Variants in DIP2B observed in about 807,000 individuals in gnomAD.
DIP2B encodes disco-interacting protein 2 homolog B.
Under a neutral mutation model 198.0 loss-of-function variants are expected in DIP2B, and 76 were observed. The ratio of observed to expected loss-of-function variants is 0.38; its 90% confidence interval spans 0.32 to 0.46. DIP2B has a LOEUF of 0.46. Among genes scored for constraint, DIP2B ranks in the 20% least tolerant of loss-of-function variants. DIP2B has a pLI of 0.99. For missense variants in DIP2B, 1,559 were observed against 1,978.4 expected (o/e 0.79, Z 4.02); for synonymous variants, 701 against 739.1 (o/e 0.95, Z 0.84).
At chr12:50,715,369 C>T (rs1449409718) in intron 23 of DIP2B, among the ~76,000 whole-genome samples, 6 of 152,168 alleles carry the variant, frequency 3.9e-5, no homozygotes, top group Non-Finnish European at 7.3e-5. Flanking sequence ...AGGTTGGGTT[C>T]AGAGCTGTTC....
At chr12:50,684,401 A>G (rs1939098938) in intron 10 of DIP2B, among the ~76,000 whole-genome samples, 1 of 152,214 alleles carries the variant, frequency 6.6e-6, no homozygotes, top group African/African-American at 2.4e-5. Context: ...TGTTTGACTG[A>G]GTGATTTCTC....
chr12:50,639,037 C>T (rs1333630524), intron 2 of DIP2B, among the ~76,000 whole-genome samples: 2 of 151,714 alleles, frequency 1.3e-5, no homozygotes, highest in Admixed American at 6.6e-5. Flanking sequence ...TGCCCCCATT[C>T]GTGATAAATC....
intron 1 of DIP2B, among the ~76,000 whole-genome samples, chr12:50,508,638 C>T (rs1383535417): frequency 6.6e-6 from 1 of 151,944 alleles, no homozygotes; most frequent in Non-Finnish European, 1.5e-5. Context: ...GTGACGATGA[C>T]ATTGGAATGA....
intron 1 of DIP2B, among the ~76,000 whole-genome samples, chr12:50,546,361 A>T (rs929335942): frequency 3.0e-4 from 45 of 152,322 alleles, no homozygotes; most frequent in African/African-American, 1.0e-3. Context: ...CTTTTATTTT[A>T]GGTTCAGGGG....
intron 23 of DIP2B, among the ~76,000 whole-genome samples, chr12:50,717,839 C>T (rs140578703): frequency 2.8e-4 from 43 of 151,510 alleles, no homozygotes; most frequent in Admixed American, 1.4e-3. Flanking sequence ...CTGTCCGCCT[C>T]GGCCTCCTAA....
Position 50,600,996 on chromosome 12 carries a change from G to A in DIP2B, c.101-24980G>A, listed in dbSNP as rs1958931318. Among the ~76,000 whole-genome samples the A allele has an allele frequency of 2.0e-5, 3 of 149,746 alleles. No individual in the cohort carries two copies. The South Asian group carries it at 6.4e-4, about 32-fold the overall frequency. Reference sequence around the variant, plus strand: ...CTCACATTCTCAACTGGGTCTGCTGGATTGCCTGCCTCACCCATTGGAAGC... The same window carrying A: ...CTCACATTCTCAACTGGGTCTGCTGAATTGCCTGCCTCACCCATTGGAAGC... On this transcript the variant is annotated intron_variant, in intron 1 of 37. Transcript: ENST00000301180.
chr12:50,721,122 A>G, intron 25 of DIP2B, 151 bp from the exon 26 acceptor site: 1 of 1,217,844 alleles, frequency 8.2e-7, no homozygotes, highest in South Asian at 1.6e-5. Context: ...CACGTCTTTG[A>G]TGCTAAGGGA....
chr12:50,639,578 C>G (rs964608010), intron 2 of DIP2B, among the ~76,000 whole-genome samples: 22 of 151,686 alleles, frequency 1.5e-4, no homozygotes, highest in African/African-American at 5.3e-4. Context: ...CTCCCCAGAC[C>G]GCTGCTTTGA....
chr12:50,687,562 A>G (rs1420274843), intron 12 of DIP2B, among the ~76,000 whole-genome samples: 1 of 151,880 alleles, frequency 6.6e-6, no homozygotes, highest in East Asian at 1.9e-4. Flanking sequence ...AGAGGCTGGG[A>G]GAATGAGTTC....
At chr12:50,724,943 T>G in intron 28 of DIP2B, 57 bp downstream of exon 28, 2 of 1,518,066 alleles carry the variant, frequency 1.3e-6, no homozygotes, top group South Asian at 1.1e-5. Context: ...ATACCTGAGA[T>G]CTCCTCCATT....
intron 1 of DIP2B, among the ~76,000 whole-genome samples, chr12:50,557,148 G>A (rs1958478775): frequency 1.3e-5 from 2 of 152,204 alleles, no homozygotes. Context: ...GGTCGGTATT[G>A]TGAGACTTTC....
At position 50,745,856 on chromosome 12, in the gene DIP2B, G is replaced by A. The variant is rs953278096; in HGVS notation, c.*1017G>A. The A allele has an allele frequency of 6.6e-6, 1 of 152,214 alleles. No individual in the cohort carries two copies. The highest frequency in any genetic ancestry group is 1.5e-5 in the Non-Finnish European group (1 of 68,026). The allele number at this position is 152,214 out of a possible 1,614,324, so 9.4% of individuals were successfully genotyped here. A position where few individuals can be genotyped will look rare whatever the true frequency, so the allele number is the denominator to read the frequency against. ...GGATTTCCTCTTTTCCAGGCACATT[G>A]TAAACTGTGTCTACAGTTTATCCAT... On this transcript the variant is annotated 3_prime_UTR_variant, in exon 38 of 38. Transcript: ENST00000301180.
At chr12:50,742,729 CTA>C (rs997875080) in intron 37 of DIP2B, among the ~76,000 whole-genome samples, 1 of 152,098 alleles carries the variant, frequency 6.6e-6, no homozygotes, top group Non-Finnish European at 1.5e-5. Context: ...AACCCTGTCT[CTA>C]CTAAAAATAC....
intron 1 of DIP2B, among the ~76,000 whole-genome samples, chr12:50,563,207 G>T (rs191978026): frequency 9.7e-4 from 147 of 152,254 alleles, no homozygotes; most frequent in African/African-American, 3.2e-3. Flanking sequence ...CTTCTTCTGA[G>T]ATATGGTCTC....
At chr12:50,582,832 T>TGG (rs1321473271) in intron 1 of DIP2B, among the ~76,000 whole-genome samples, 1 of 152,208 alleles carries the variant, frequency 6.6e-6, no homozygotes, top group Non-Finnish European at 1.5e-5. Context: ...TTTCCCCTGA[T>TGG]GGTATGCACA....
At position 50,688,227 on chromosome 12, in the gene DIP2B, T is replaced by G. The variant is rs57885639; in HGVS notation, c.1551+1545T>G. Among the ~76,000 whole-genome samples, 555 of 152,094 alleles carry G rather than the reference T, an allele frequency of 3.6e-3. 8 individuals are homozygous for G. Among genetic ancestry groups the G allele is most frequent in the African/African-American group, 0.012 (511 of 41,492 alleles). ...CACATCTGTCTGTAATCCCAGCACT[T>G]TGGAAGGCCAAATAGGAGGACTGCA... On this transcript the variant is annotated intron_variant, in intron 12 of 37. Coordinates refer to ENST00000301180, the MANE Select transcript of DIP2B (RefSeq NM_173602.3).
At position 50,678,838 on chromosome 12, in the gene DIP2B, T is replaced by A; in HGVS notation, c.1076T>A (p.Leu359Gln). Residue 359 changes from leucine (L) to glutamine (Q), a missense_variant, in exon 8 of 38, where the codon CTG becomes CAG. Leu to Gln is a moderately radical substitution (Grantham distance 113, BLOSUM62 -2). Transcript: ENST00000301180. ...GCAAAATGCTCCTGTCTGACTGCAC[T>A]GGACATGACAGGGAAACCAGTTTAC... ...TQAKCSCLTA[L>Q]DMTGKPVYTL... 1.2e-6 allele frequency: 2 copies of A among 1,614,222 alleles called. No homozygotes were observed. The highest frequency in any genetic ancestry group is 8.5e-7 in the Non-Finnish European group (1 of 1,180,034).
At chr12:50,530,456 T>A (rs10732734) in intron 1 of DIP2B, among the ~76,000 whole-genome samples, 143,636 of 152,258 alleles carry the variant, frequency 0.94, 68,330 homozygotes, top group East Asian at 1. Context: ...GCCACTGAAG[T>A]ATTGTAAGCA....
At chr12:50,580,068 T>G (rs974509874) in intron 1 of DIP2B, among the ~76,000 whole-genome samples, 3 of 148,380 alleles carry the variant, frequency 2.0e-5, no homozygotes, top group Non-Finnish European at 4.4e-5. Flanking sequence ...CTTGCTAACT[T>G]TGTTGGCTTG....
Sources: allele counts gnomAD v4.1 joint callset (sites outside exome capture counted in the v4.1 genomes callset), GRCh38; gene constraint gnomAD v4.1.1; transcripts MANE v1.5; gene names NCBI Gene and HGNC (gene_info 2026-07-23, HGNC 2026-07-21).